The following ZNF385D variants were observed in gnomAD, a reference collection of about 807,000 sequenced individuals.
ZNF385D encodes the protein zinc finger protein 385D, also known as zinc finger protein 659.
Under a neutral mutation model 35.8 loss-of-function variants are expected in ZNF385D, and 15 were observed. That is an observed-to-expected ratio of 0.42 (90% CI 0.28 to 0.64). ZNF385D has a LOEUF of 0.64. Ranked by LOEUF, ZNF385D falls within the 30% of genes least tolerant of loss-of-function variation. ZNF385D has a pLI of 0.23. For missense variants in ZNF385D, 474 were observed against 494.6 expected (o/e 0.96, Z 0.39); for synonymous variants, 212 against 186.8 (o/e 1.13, Z -1.10).
intron 3 of ZNF385D, among the ~76,000 whole-genome samples, chr3:21,817,831 T>C (rs142672577): frequency 0.94 from 142,515 of 152,240 alleles, 66,728 homozygotes; most frequent in East Asian, 0.98. Flanking sequence ...TGGGTATATA[T>C]CCAAAGGATT....
chr3:21,553,558 C>A (rs1201449720), intron 3 of ZNF385D, among the ~76,000 whole-genome samples: 2 of 152,138 alleles, frequency 1.3e-5, no homozygotes, highest in Non-Finnish European at 2.9e-5. Context: ...GTTGAGAAAG[C>A]TGTGGCAATT....
intron 2 of ZNF385D, among the ~76,000 whole-genome samples, chr3:22,181,735 G>A (rs930494611): frequency 3.3e-5 from 5 of 151,748 alleles, no homozygotes; most frequent in African/African-American, 9.7e-5. Flanking sequence ...TAAAGGTGAT[G>A]GGATATACAT....
At chr3:21,849,928 G>C (rs1488091300) in intron 3 of ZNF385D, among the ~76,000 whole-genome samples, 1 of 151,868 alleles carries the variant, frequency 6.6e-6, no homozygotes, top group Non-Finnish European at 1.5e-5. Flanking sequence ...TTGTTTTGTA[G>C]GGATAGGGTC....
chr3:21,931,604 C>A (rs550791344), intron 3 of ZNF385D, among the ~76,000 whole-genome samples: 1 of 152,014 alleles, frequency 6.6e-6, no homozygotes, highest in Non-Finnish European at 1.5e-5. Flanking sequence ...GAATATACCA[C>A]GATATGGAAG....
rs2069323969 is a variant in ZNF385D at position 21,737,913 on chromosome 3, C to G, written c.22+12982G>C. ...ACAGGTAAAGGCCATAGCACATCTC[C>G]TAGCTCACAGCACTCACGTAAAGAT... On this transcript the variant is annotated intron_variant, in intron 1 of 7. Coordinates refer to ENST00000281523, the MANE Select transcript of ZNF385D (RefSeq NM_024697.3). Among the ~76,000 whole-genome samples the G allele has an allele frequency of 2.0e-5, 3 of 152,202 alleles. No individual in the cohort carries two copies. The South Asian group carries it at 6.2e-4, about 32-fold the overall frequency.
intron 1 of ZNF385D, among the ~76,000 whole-genome samples, chr3:21,717,233 G>C (rs888461274): frequency 6.6e-6 from 1 of 152,116 alleles, no homozygotes; most frequent in African/African-American, 2.4e-5. Flanking sequence ...CAAGGCAAAA[G>C]TTTTTGTGAA....
intron 3 of ZNF385D, among the ~76,000 whole-genome samples, chr3:22,147,735 A>T (rs1341838499): frequency 6.6e-6 from 1 of 152,098 alleles, no homozygotes; most frequent in Non-Finnish European, 1.5e-5. Flanking sequence ...CTCAGCAAAT[A>T]TTTTCTCCAC....
intron 3 of ZNF385D, among the ~76,000 whole-genome samples, chr3:22,117,479 G>T (rs903632279): frequency 3.3e-5 from 5 of 151,788 alleles, no homozygotes; most frequent in African/African-American, 4.8e-5. Flanking sequence ...GAAAAGACAG[G>T]GAATAGGCAT....
chr3:22,217,813 C>T (rs1335678681), intron 2 of ZNF385D, among the ~76,000 whole-genome samples: 1 of 152,042 alleles, frequency 6.6e-6, no homozygotes, highest in African/African-American at 2.4e-5. Flanking sequence ...GGGAGGATTT[C>T]TAATGATTTT....
intron 2 of ZNF385D, among the ~76,000 whole-genome samples, chr3:21,632,699 C>A (rs530239698): frequency 6.6e-6 from 1 of 152,104 alleles, no homozygotes; most frequent in Non-Finnish European, 1.5e-5. Context: ...TCAGCTGACA[C>A]GAACTGTTGC....
chr3:21,876,527 T>C (rs1166491249), intron 3 of ZNF385D, among the ~76,000 whole-genome samples: 1 of 151,860 alleles, frequency 6.6e-6, no homozygotes, highest in Non-Finnish European at 1.5e-5. Context: ...TTCTCATGTT[T>C]TCATTTAACC....
chr3:22,087,013 C>T (rs1455405010), intron 3 of ZNF385D, among the ~76,000 whole-genome samples: 1 of 152,104 alleles, frequency 6.6e-6, no homozygotes, highest in African/African-American at 2.4e-5. Flanking sequence ...AGGACGCCAA[C>T]ATGGCACACG....
At chr3:21,974,940 A>C (rs6550645) in intron 3 of ZNF385D, among the ~76,000 whole-genome samples, 1 of 152,112 alleles carries the variant, frequency 6.6e-6, no homozygotes, top group African/African-American at 2.4e-5. Context: ...AGGAAGAGGA[A>C]AAACGGGAAC....
intron 1 of ZNF385D, among the ~76,000 whole-genome samples, chr3:21,678,181 T>G (rs981882755): frequency 2.3e-4 from 35 of 152,070 alleles, no homozygotes; most frequent in Non-Finnish European, 1.5e-5. Context: ...TCCTTATACC[T>G]CTGGCAAAGT....
At chr3:22,123,662 C>A (rs1363352438) in intron 3 of ZNF385D, among the ~76,000 whole-genome samples, 1 of 152,252 alleles carries the variant, frequency 6.6e-6, no homozygotes, top group African/African-American at 2.4e-5. Context: ...GCATTCAAGA[C>A]CAGCCTGGCC....
intron 3 of ZNF385D, among the ~76,000 whole-genome samples, chr3:22,043,157 T>C (rs535664688): frequency 6.6e-6 from 1 of 152,270 alleles, no homozygotes; most frequent in South Asian, 2.1e-4. Flanking sequence ...TTTGGGTTAT[T>C]TATCCCTAAT....
Position 22,231,860 on chromosome 3 carries a change from A to G in ZNF385D, c.107-62825T>C, listed in dbSNP as rs142831799. Among the ~76,000 whole-genome samples the G allele has an allele frequency of 1.4e-3, 214 of 152,074 alleles. 2 individuals are homozygous for G. The highest frequency in any genetic ancestry group is 5.4e-3 in the Admixed American group (83 of 15,264). On this transcript the variant is annotated intron_variant, in intron 2 of 5. Transcript: ENST00000494108. ...TGAATGGTTTAGCATCATTCCTTTG[A>G]TGGTATTCTTAGGATAGAATTCTCA...
chr3:22,332,496 G>A (rs1694983372), intron 2 of ZNF385D, among the ~76,000 whole-genome samples: 1 of 152,106 alleles, frequency 6.6e-6, no homozygotes, highest in South Asian at 2.1e-4. Flanking sequence ...TGAGTAGAAA[G>A]TAATCAGGCT....
chr3:21,819,243 T>A (rs1348776251), intron 3 of ZNF385D, among the ~76,000 whole-genome samples: 1 of 151,848 alleles, frequency 6.6e-6, no homozygotes, highest in Non-Finnish European at 1.5e-5. Context: ...CACAATAAGA[T>A]GTTAGAAATG....
Sources: gnomAD v4.1 joint callset for allele counts (sites outside exome capture counted in the v4.1 genomes callset) on GRCh38, gnomAD v4.1.1 for gene constraint, MANE v1.5 for transcripts, NCBI Gene and HGNC (gene_info 2026-07-23, HGNC 2026-07-21) for gene names.